PLD5: variants seen among roughly 807,000 people sequenced by gnomAD.
PLD5 encodes the protein phospholipase D family member 5.
Under a neutral mutation model 61.1 loss-of-function variants are expected in PLD5, and 36 were observed. The observed-to-expected ratio is 0.59, with a 90% CI of 0.45 to 0.78. PLD5 has a LOEUF of 0.78. Among genes scored for constraint, PLD5 ranks in the 30% least tolerant of loss-of-function variants. PLD5 has a pLI of 0.00. For missense variants in PLD5, 515 were observed against 644.4 expected (o/e 0.80, Z 2.17); for synonymous variants, 243 against 242.8 (o/e 1.00, Z -0.01).
In PLD5 at chr1:242,212,727, G is replaced by A. The variant is rs187425562; in HGVS notation, c.735+7261C>T. On this transcript the variant is annotated intron_variant, in intron 5 of 9. Transcript: ENST00000536534. ...TGCCTGCTCAGCTCTCCAGCTCTCC[G>A]GCCTGTGGCAAAATTTTGTGTGCTC... Among the ~76,000 whole-genome samples the A allele has an allele frequency of 9.0e-4, 137 of 152,290 alleles. 3 individuals are homozygous for A. Among genetic ancestry groups the A allele is most frequent in the Admixed American group, 6.9e-3 (105 of 15,298 alleles).
At chr1:242,353,566 A>G (rs1200268932) in intron 1 of PLD5, among the ~76,000 whole-genome samples, 4 of 152,050 alleles carry the variant, frequency 2.6e-5, no homozygotes, top group Admixed American at 1.3e-4. Flanking sequence ...GAAAAATGAC[A>G]TTGGGATTTT....
intron 1 of PLD5, among the ~76,000 whole-genome samples, chr1:242,353,784 C>G (rs1660602688): frequency 6.6e-6 from 1 of 152,066 alleles, no homozygotes; most frequent in Admixed American, 6.6e-5. Flanking sequence ...TTTGTGTCTT[C>G]AATTTTTTTC....
chr1:242,104,770 C>T (rs1660922333), intron 8 of PLD5, among the ~76,000 whole-genome samples: 1 of 152,196 alleles, frequency 6.6e-6, no homozygotes, highest in African/African-American at 2.4e-5. Flanking sequence ...AACTTCCTGC[C>T]TTGGACTCCC....
chr1:242,447,795 GCTC>G (rs1185846057), intron 1 of PLD5, among the ~76,000 whole-genome samples: 1 of 152,140 alleles, frequency 6.6e-6, no homozygotes, highest in Non-Finnish European at 1.5e-5. Context: ...CCCCTGACCT[GCTC>G]CTCATTTCTC....
At chr1:242,387,646 AT>A (rs1662672552) in intron 1 of PLD5, among the ~76,000 whole-genome samples, 1 of 55,012 alleles carries the variant, frequency 1.8e-5, no homozygotes, top group African/African-American at 5.8e-5. Context: ...ATAAAATTTT[AT>A]CTATTTTATA....
intron 5 of PLD5, among the ~76,000 whole-genome samples, chr1:242,176,205 C>G (rs1158784971): frequency 6.6e-6 from 1 of 152,106 alleles, no homozygotes; most frequent in Non-Finnish European, 1.5e-5. Context: ...GCTACAGTAA[C>G]AAAAACAGCA....
At chr1:242,457,032 C>T (rs1283973232) in intron 1 of PLD5, among the ~76,000 whole-genome samples, 1 of 152,198 alleles carries the variant, frequency 6.6e-6, no homozygotes, top group East Asian at 1.9e-4. Flanking sequence ...TAAATAAATT[C>T]CATCATCCAC....
chr1:242,211,513 A>G (rs1466723001), intron 5 of PLD5, among the ~76,000 whole-genome samples: 1 of 152,186 alleles, frequency 6.6e-6, no homozygotes, highest in East Asian at 1.9e-4. Flanking sequence ...TTAAATCTGT[A>G]CTAACTAAAT....
intron 1 of PLD5, among the ~76,000 whole-genome samples, chr1:242,438,225 G>GT (rs1366522273): frequency 6.6e-6 from 1 of 151,688 alleles, no homozygotes; most frequent in Non-Finnish European, 1.5e-5. Flanking sequence ...CAGGGATGGC[G>GT]TGACAGCATG....
chr1:242,446,209 C>G (rs551685846), intron 1 of PLD5, among the ~76,000 whole-genome samples: 73 of 151,130 alleles, frequency 4.8e-4, no homozygotes, highest in Admixed American at 1.1e-3. Flanking sequence ...ATACTTATAC[C>G]TCATACATTT....
At chr1:242,373,927 C>T (rs1339641990) in intron 1 of PLD5, among the ~76,000 whole-genome samples, 1 of 151,632 alleles carries the variant, frequency 6.6e-6, no homozygotes, top group African/African-American at 2.4e-5. Context: ...TGTAACAAAC[C>T]TGCATGTTGT....
At chr1:242,235,373 G>A (rs1170778797) in intron 4 of PLD5, 1 of 152,190 alleles carries the variant, frequency 6.6e-6, no homozygotes, top group Non-Finnish European at 1.5e-5. Flanking sequence ...AGGGATGAAT[G>A]TTCAACTTTT....
intron 2 of PLD5, among the ~76,000 whole-genome samples, chr1:242,309,625 C>T: frequency 6.6e-6 from 1 of 151,408 alleles, no homozygotes; most frequent in Non-Finnish European, 1.5e-5. Context: ...CCGCCCACCT[C>T]GGCCTCCCAA....
chr1:242,394,065 A>T (rs576197987), intron 1 of PLD5, among the ~76,000 whole-genome samples: 5 of 143,728 alleles, frequency 3.5e-5, no homozygotes, highest in African/African-American at 1.1e-4. Context: ...CTCAAAAAAA[A>T]ACATATATAT....
At chr1:242,461,852 C>G (rs1017535043) in intron 1 of PLD5, among the ~76,000 whole-genome samples, 1 of 152,292 alleles carries the variant, frequency 6.6e-6, no homozygotes, top group East Asian at 1.9e-4. Context: ...AGACGCTAAG[C>G]ATTTTTCCAT....
intron 2 of PLD5, among the ~76,000 whole-genome samples, chr1:242,303,724 C>T (rs970454582): frequency 1.2e-4 from 19 of 152,116 alleles, no homozygotes; most frequent in African/African-American, 4.3e-4. Context: ...TGTTTCCAAA[C>T]GAAGAGCCAG....
At chr1:242,327,914 G>C (rs977379633) in intron 2 of PLD5, among the ~76,000 whole-genome samples, 15 of 151,606 alleles carry the variant, frequency 9.9e-5, no homozygotes, top group African/African-American at 3.4e-4. Flanking sequence ...AACATAGCAA[G>C]ACCTTGCCTC....
chr1:242,491,440 C>T (rs777283303), intron 1 of PLD5, among the ~76,000 whole-genome samples: 28 of 152,220 alleles, frequency 1.8e-4, no homozygotes, highest in Non-Finnish European at 3.1e-4. Context: ...TTAGAAAACA[C>T]CACTGTCAAC....
chr1:242,353,826 C>A (rs1660605057), intron 1 of PLD5, among the ~76,000 whole-genome samples: 2 of 151,504 alleles, frequency 1.3e-5, no homozygotes, highest in Non-Finnish European at 2.9e-5. Flanking sequence ...GTGTAAAAGT[C>A]TTTCACCTCC....
Sources: allele counts gnomAD v4.1 joint callset (sites outside exome capture counted in the v4.1 genomes callset), GRCh38; gene constraint gnomAD v4.1.1; transcripts MANE v1.5; gene names NCBI Gene and HGNC (gene_info 2026-07-23, HGNC 2026-07-21).